Variants in SEL1L3 observed in about 807,000 individuals in gnomAD.
SEL1L3 encodes SEL1L family member 3, also known as protein sel-1 homolog 3.
A neutral mutation model predicts 142.8 loss-of-function variants in SEL1L3; 76 were observed. That is an observed-to-expected ratio of 0.53 (90% confidence interval 0.44 to 0.64). The LOEUF (loss-of-function observed/expected upper bound fraction) is 0.64. Ranked by LOEUF, SEL1L3 falls within the 30% of genes least tolerant of loss-of-function variation. The probability of loss-of-function intolerance (pLI) is 0.00; values close to 1 mark genes in which losing one functional copy is unlikely to be tolerated. For missense variants in SEL1L3, 1,262 were observed against 1,381.7 expected (o/e 0.91, Z 1.37); for synonymous variants, 504 against 519.6 (o/e 0.97, Z 0.41).
intron 11 of SEL1L3, among the ~76,000 whole-genome samples, chr4:25,791,577 T>C (rs1284467780): frequency 6.6e-6 from 1 of 152,200 alleles, no homozygotes; most frequent in Non-Finnish European, 1.5e-5. Context: ...GGTGAAAAAA[T>C]TGGGTCTGCA....
At chr4:25,722,400 A>AT in the SEL1L3 span, among the ~76,000 whole-genome samples, 1 of 152,020 alleles carries the variant, frequency 6.6e-6, no homozygotes, top group Admixed American at 6.6e-5. Context: ...GTCAAGGTGC[A>AT]TTTTTTGGTG....
At chr4:25,831,587 G>T (rs950314270) in intron 5 of SEL1L3, among the ~76,000 whole-genome samples, 4 of 150,046 alleles carry the variant, frequency 2.7e-5, no homozygotes, top group African/African-American at 7.3e-5. Flanking sequence ...GTGCAGGGGC[G>T]CCATCTTAGC....
chr4:25,753,741 T>C (rs887605687), intron 23 of SEL1L3, among the ~76,000 whole-genome samples: 1 of 152,224 alleles, frequency 6.6e-6, no homozygotes, highest in African/African-American at 2.4e-5. Context: ...CCCAGCACTT[T>C]GGGAGTCCAA....
At position 25,833,580 on chromosome 4, in the gene SEL1L3, G is replaced by A; in HGVS notation, c.861-11C>T. 1 of 1,594,230 alleles carries A rather than the reference G, an allele frequency of 6.3e-7. No homozygotes were observed. The highest frequency in any genetic ancestry group is 8.5e-7 in the Non-Finnish European group (1 of 1,172,862). ...AATGAAACAGTAAACCTATAAGAGT[G>A]AGGGGGAAAAAAATTCTGCAGATTG... On this transcript the variant is annotated splice_polypyrimidine_tract_variant and intron_variant, in intron 3 of 23. Transcript: ENST00000399878.
rs192275161 is a variant in SEL1L3 at position 25,763,979 on chromosome 4, C to T, written c.2955+1347G>A. Among the ~76,000 whole-genome samples, 128 of 152,280 alleles carry T rather than the reference C, an allele frequency of 8.4e-4. 2 individuals are homozygous for T. The highest frequency in any genetic ancestry group is 5.8e-3 in the Admixed American group (89 of 15,294). On this transcript the variant is annotated intron_variant, in intron 20 of 23. Transcript: ENST00000399878. ...CAGCAGAGGGTAACAACTATCCAAA[C>T]CTCCATCATGAAAATGATTCTGAGG...
chr4:25,834,067 A>T (rs566001391), intron 3 of SEL1L3, among the ~76,000 whole-genome samples: 1 of 152,272 alleles, frequency 6.6e-6, no homozygotes, highest in Non-Finnish European at 1.5e-5. Flanking sequence ...ACTATGTGAT[A>T]ATAGGGACAC....
downstream of SEL1L3, among the ~76,000 whole-genome samples, chr4:25,742,972 A>G (rs1717162499): frequency 6.6e-6 from 1 of 152,216 alleles, no homozygotes; most frequent in Non-Finnish European, 1.5e-5. Flanking sequence ...GTCATTAAGA[A>G]TGAAGAGAAG....
At position 25,748,560 on chromosome 4, in the gene SEL1L3, G is replaced by A; in HGVS notation, c.3264C>T (p.Ser1088=). ...CCTGGGATGGTCTTGGAGGGGGATCGCTTGCTGCAGAGACACATGCACAAC... is the reference window on the plus strand; with the variant it reads ...CCTGGGATGGTCTTGGAGGGGGATCACTTGCTGCAGAGACACATGCACAAC... ...TVQYFQSVSA[S]DPPPRPSQAS... is the part of the protein sequence containing the mutation. The change falls in exon 24 of 24, where the codon AGC becomes AGT. Residue 1088 remains serine (S), a synonymous_variant. Transcript: ENST00000399878. 3 of 1,608,996 alleles carry A rather than the reference G, an allele frequency of 1.9e-6. No individual in the cohort carries two copies. The highest frequency in any genetic ancestry group is 1.1e-5 in the South Asian group (1 of 89,682).
chr4:25,728,061 C>T, the SEL1L3 span, among the ~76,000 whole-genome samples: 1 of 152,160 alleles, frequency 6.6e-6, no homozygotes, highest in African/African-American at 2.4e-5. Flanking sequence ...TAAGAGCTCT[C>T]CTTACAGGGT....
At chr4:25,776,519 G>A (rs898192617) in intron 16 of SEL1L3, 159 bp from the exon 17 acceptor site, 1 of 581,894 alleles carries the variant, frequency 1.7e-6, no homozygotes, top group South Asian at 2.1e-5. Context: ...TAAAGAAAAT[G>A]CATTCTGAGA....
chr4:25,760,218 A>G (rs1332840867), intron 20 of SEL1L3, among the ~76,000 whole-genome samples: 36 of 152,190 alleles, frequency 2.4e-4, no homozygotes, highest in Admixed American at 2.4e-3. Context: ...AATGGCTTCC[A>G]GCTCCATCCA....
At chr4:25,853,664 C>CTTTTTT (rs34922528) in intron 1 of SEL1L3, among the ~76,000 whole-genome samples, 152 of 83,020 alleles carry the variant, frequency 1.8e-3, no homozygotes, top group Admixed American at 3.0e-3. Context: ...CTCTTCTTAC[C>CTTTTTT]TTTTTTTTTT....
At chr4:25,811,177 T>C (rs2109239812) in intron 9 of SEL1L3, among the ~76,000 whole-genome samples, 1 of 152,264 alleles carries the variant, frequency 6.6e-6, no homozygotes, top group South Asian at 2.1e-4. Flanking sequence ...CTTTACGTCT[T>C]GGAACCTGTA....
At chr4:25,745,647 A>T (rs1717239181), downstream of SEL1L3, among the ~76,000 whole-genome samples, 1 of 152,214 alleles carries the variant, frequency 6.6e-6, no homozygotes, top group Non-Finnish European at 1.5e-5. Context: ...TGCAGCATTC[A>T]TTAGAGGCCA....
chr4:25,804,850 T>G, intron 9 of SEL1L3, 98 bp from the exon 10 acceptor site: 1 of 887,788 alleles, frequency 1.1e-6, no homozygotes. Flanking sequence ...CCTGAGTTAT[T>G]GATATGGTCG....
intron 19 of SEL1L3, among the ~76,000 whole-genome samples, chr4:25,767,071 C>G (rs1718793934): frequency 6.6e-6 from 1 of 152,170 alleles, no homozygotes; most frequent in Non-Finnish European, 1.5e-5. Context: ...GCAGGTGGAT[C>G]ACCTGAGGTC....
chr4:25,789,475 CT>C (rs1291018500), intron 12 of SEL1L3, among the ~76,000 whole-genome samples: 5 of 151,470 alleles, frequency 3.3e-5, no homozygotes, highest in African/African-American at 1.2e-4. Context: ...GTTCCAGCTA[CT>C]CGGGAGGTTG....
At chr4:25,863,222 C>T (rs1352610436), upstream of SEL1L3, among the ~76,000 whole-genome samples, 40 of 104,850 alleles carry the variant, frequency 3.8e-4, no homozygotes, top group African/African-American at 1.4e-3. Context: ...TGGGCCCCGG[C>T]GCACCCCCCT....
chr4:25,850,885 C>G (rs1393731010), intron 1 of SEL1L3, among the ~76,000 whole-genome samples: 1 of 151,200 alleles, frequency 6.6e-6, no homozygotes, highest in Non-Finnish European at 1.5e-5. Context: ...GAGTCTCACT[C>G]TGTCATCCAG....
Sources: gnomAD v4.1 joint callset for allele counts (sites outside exome capture counted in the v4.1 genomes callset) on GRCh38, gnomAD v4.1.1 for gene constraint, MANE v1.5 for transcripts, NCBI Gene and HGNC (gene_info 2026-07-23, HGNC 2026-07-21) for gene names.